The following HECW2 variants were observed in gnomAD, a reference collection of about 807,000 sequenced individuals.
HECW2 encodes HECT, C2 and WW domain containing E3 ubiquitin protein ligase 2.
HECW2 carries 61 observed loss-of-function variants against 175.2 expected under a neutral mutation model. That is an observed-to-expected ratio of 0.35 (90% CI 0.28 to 0.43). The LOEUF (loss-of-function observed/expected upper bound fraction) is 0.43, where lower values mean the gene tolerates loss of function less well. Among genes scored for constraint, HECW2 ranks in the 20% least tolerant of loss-of-function variants. The probability of loss-of-function intolerance (pLI) is 1.00; values close to 1 mark genes in which losing one functional copy is unlikely to be tolerated. For synonymous variants in HECW2, 671 were observed against 731.0 expected, an observed-to-expected ratio of 0.92 and a Z score of 1.32; for missense variants, 1,524 against 2,000.5, an observed-to-expected ratio of 0.76 and a Z score of 4.54.
chr2:196,369,342 G>GTCTCTCTCTCTCTCTCTCTCTCTCTCTC (rs71410611), intron 2 of HECW2, among the ~76,000 whole-genome samples: 5 of 131,452 alleles, frequency 3.8e-5, no homozygotes, highest in East Asian at 2.1e-4. Flanking sequence ...AACAAATGGA[G>GTCTCTCTCTCTCTCTCTCTCTCTCTCTC]TCTCTCTCTC....
intron 2 of HECW2, 110 bp downstream of exon 2, chr2:196,433,022 G>T: frequency 2.2e-6 from 2 of 917,764 alleles, no homozygotes; most frequent in Non-Finnish European, 3.3e-6. Context: ...TCTGCTATGT[G>T]TATATGTGCA....
intron 17 of HECW2, among the ~76,000 whole-genome samples, chr2:196,268,641 T>C (rs1380208979): frequency 6.6e-6 from 1 of 152,218 alleles, no homozygotes; most frequent in Non-Finnish European, 1.5e-5. Context: ...TGTTAATTCG[T>C]ATTACACACT....
intron 1 of HECW2, among the ~76,000 whole-genome samples, chr2:196,461,160 G>A (rs1455327211): frequency 1.3e-5 from 2 of 152,144 alleles, no homozygotes; most frequent in Non-Finnish European, 2.9e-5. Flanking sequence ...CTGATAGGAA[G>A]GAAGAAAGGG....
intron 1 of HECW2, among the ~76,000 whole-genome samples, chr2:196,585,221 C>T (rs946638157): frequency 3.3e-5 from 5 of 152,084 alleles, no homozygotes; most frequent in African/African-American, 2.4e-5. Flanking sequence ...ATATGTGTGG[C>T]CTGTTTTCCA....
At chr2:196,427,490 A>G (rs1559104213) in intron 2 of HECW2, among the ~76,000 whole-genome samples, 1 of 152,120 alleles carries the variant, frequency 6.6e-6, no homozygotes, top group Non-Finnish European at 1.5e-5. Context: ...CCTGAAACAA[A>G]TTTACTATCA....
intron 21 of HECW2, among the ~76,000 whole-genome samples, chr2:196,235,904 G>A (rs1368470642): frequency 1.3e-5 from 2 of 151,932 alleles, no homozygotes; most frequent in East Asian, 1.9e-4. Context: ...TGATCTGCTC[G>A]CCTTGGCCTC....
At chr2:196,451,402 C>A (rs1426594501) in intron 1 of HECW2, among the ~76,000 whole-genome samples, 2 of 144,290 alleles carry the variant, frequency 1.4e-5, no homozygotes, top group Non-Finnish European at 3.0e-5. Context: ...CACTGCACTC[C>A]AGCCTGGTGA....
At chr2:196,382,395 T>C (rs914037384) in intron 2 of HECW2, among the ~76,000 whole-genome samples, 3 of 152,102 alleles carry the variant, frequency 2.0e-5, no homozygotes, top group African/African-American at 4.8e-5. Context: ...AACTACTTCT[T>C]TGCATTTAGA....
rs1689724800 is a variant in HECW2, at chr2:196,271,228, C to T, written c.3300G>A (p.Glu1100=). 1.2e-6 allele frequency: 2 copies of T among 1,611,598 alleles called. No individual in the cohort carries two copies. The highest frequency in any genetic ancestry group is 1.7e-6 in the Non-Finnish European group (2 of 1,177,772). The change falls in exon 17 of 29, where the codon GAG becomes GAA. Residue 1100 remains glutamate (E), a synonymous_variant. Transcript: ENST00000644978. ...GATTCCTGGTAAGATCAGGTTGACG[C>T]TCCTGTAGAATTTCAAAGATATTGG... The part of the protein sequence containing the change: ...RQPNIFEILQ[E]RQPDLTRNHS...
At chr2:196,427,097 A>C (rs543011593) in intron 2 of HECW2, among the ~76,000 whole-genome samples, 8 of 152,266 alleles carry the variant, frequency 5.3e-5, no homozygotes, top group Non-Finnish European at 7.4e-5. Context: ...CAATGTAAGA[A>C]GCTTGAGCCA....
chr2:196,586,477 C>T (rs1690978167), intron 1 of HECW2: 1 of 152,340 alleles, frequency 6.6e-6, no homozygotes, highest in African/African-American at 2.4e-5. Context: ...GTCTTACACT[C>T]ACTGCCCATC....
chr2:196,211,117 C>T (rs755199659), intron 28 of HECW2, among the ~76,000 whole-genome samples: 3 of 152,092 alleles, frequency 2.0e-5, no homozygotes, highest in Non-Finnish European at 2.9e-5. Context: ...CAAAAATTAA[C>T]GCTTTTCCCT....
intron 28 of HECW2, among the ~76,000 whole-genome samples, chr2:196,209,920 C>T (rs528445715): frequency 7.6e-4 from 115 of 152,238 alleles, no homozygotes; most frequent in African/African-American, 2.5e-3. Flanking sequence ...CCCACCACCA[C>T]GCCCGGCCAA....
chr2:196,242,256 G>A (rs749905155), intron 19 of HECW2, 52 bp from the exon 20 acceptor site: 9 of 1,610,056 alleles, frequency 5.6e-6, no homozygotes, highest in Middle Eastern at 3.8e-4. Flanking sequence ...TCGTCCTTAT[G>A]TTCATCACAT....
intron 2 of HECW2, among the ~76,000 whole-genome samples, chr2:196,367,258 T>C (rs1163725508): frequency 1.3e-5 from 2 of 152,226 alleles, no homozygotes; most frequent in Non-Finnish European, 2.9e-5. Context: ...CTGGGACTCA[T>C]GTTTAAAATT....
chr2:196,272,627 A>G (rs79410344), intron 16 of HECW2, among the ~76,000 whole-genome samples: 6,583 of 152,226 alleles, frequency 0.043, 421 homozygotes, highest in African/African-American at 0.15. Context: ...CATATTGCCT[A>G]TAACATATCT....
chr2:196,260,617 G>A (rs185127010), intron 17 of HECW2: 15 of 152,208 alleles, frequency 9.9e-5, no homozygotes, highest in East Asian at 9.6e-4. Context: ...ACCTTCTCCC[G>A]GTCTAAACAG....
At chr2:196,257,774 T>C (rs1196889597) in intron 18 of HECW2, 49 bp downstream of exon 18, 1 of 1,255,604 alleles carries the variant, frequency 8.0e-7, no homozygotes, top group Non-Finnish European at 1.2e-6. Flanking sequence ...TTCCATGATA[T>C]CTGATGACAA....
rs1346607854 is a variant in HECW2 at position 196,418,551 on chromosome 2, T to C, written c.292+14581A>G. 2.6e-5 allele frequency among the ~76,000 whole-genome samples: 4 copies of C among 152,292 alleles called. No individual in the cohort carries two copies. The East Asian group carries it at 7.7e-4, about 29-fold the overall frequency. On this transcript the variant is annotated intron_variant, in intron 2 of 28. Coordinates refer to ENST00000644978, the MANE Select transcript of HECW2 (RefSeq NM_001348768.2). ...AGTGTCAAAAATATAATAGATATTCTTCATGTCAAACAAGTTATAACTTTC... is the reference window on the plus strand; with the variant it reads ...AGTGTCAAAAATATAATAGATATTCCTCATGTCAAACAAGTTATAACTTTC...
Sources: gnomAD v4.1 joint callset for allele counts (sites outside exome capture counted in the v4.1 genomes callset) on GRCh38, gnomAD v4.1.1 for gene constraint, MANE v1.5 for transcripts, NCBI Gene and HGNC (gene_info 2026-07-23, HGNC 2026-07-21) for gene names.